KIRREL3: variants seen among roughly 807,000 people sequenced by gnomAD.
The protein encoded by KIRREL3 is kin of IRRE-like protein 3.
In KIRREL3, 36 loss-of-function variants were observed where a neutral mutation model predicts 89.7. The observed-to-expected ratio is 0.40, with a 90% CI of 0.31 to 0.53. The LOEUF (loss-of-function observed/expected upper bound fraction) is 0.53, where lower values mean the gene tolerates loss of function less well. Ranked by LOEUF, KIRREL3 falls within the 20% of genes least tolerant of loss-of-function variation. The pLI, the probability that KIRREL3 is intolerant of heterozygous loss-of-function variation, is 0.49. For missense variants in KIRREL3, 864 were observed against 1,056.6 expected, an observed-to-expected ratio of 0.82 and a Z score of 2.53; for synonymous variants, 445 against 441.4, an observed-to-expected ratio of 1.01 and a Z score of -0.10.
chr11:126,661,796 T>A (rs1945415165), intron 1 of KIRREL3, among the ~76,000 whole-genome samples: 1 of 152,140 alleles, frequency 6.6e-6, no homozygotes, highest in African/African-American at 2.4e-5. Flanking sequence ...TCTGTATGAA[T>A]AATTTTAAAA....
At chr11:126,707,002 G>A (rs1007533372) in intron 1 of KIRREL3, among the ~76,000 whole-genome samples, 20 of 151,294 alleles carry the variant, frequency 1.3e-4, no homozygotes, top group Admixed American at 1.2e-3. Flanking sequence ...TTTAAGAGAT[G>A]GAATGCAATG....
In KIRREL3 at chr11:126,656,803, G is replaced by A. The variant is rs1228854831; in HGVS notation, c.56-93891C>T. ...GTGGTGGCTCATGCCTGTGGTCCCAGCACTTTGGGAGGCCAAGGTGTGTGC... is the reference window on the plus strand; with the variant it reads ...GTGGTGGCTCATGCCTGTGGTCCCAACACTTTGGGAGGCCAAGGTGTGTGC... On this transcript the variant is annotated intron_variant, in intron 1 of 16. Transcript: ENST00000525144. This position sits in a 1 kb window ranked among gnomAD's most constrained non-coding sequence, Gnocchi z 4.0. 5.3e-5 allele frequency among the ~76,000 whole-genome samples: 8 copies of A among 152,196 alleles called. No individual in the cohort carries two copies. The highest frequency in any genetic ancestry group is 2.0e-4 in the Admixed American group (3 of 15,288).
At chr11:126,505,440 G>C (rs1957989997) in intron 4 of KIRREL3, among the ~76,000 whole-genome samples, 1 of 152,088 alleles carries the variant, frequency 6.6e-6, no homozygotes. Flanking sequence ...GCGTGGTGGT[G>C]GATGCCTGTA....
intron 1 of KIRREL3, among the ~76,000 whole-genome samples, chr11:126,863,270 TC>T (rs1376604664): frequency 3.3e-5 from 5 of 152,176 alleles, no homozygotes; most frequent in African/African-American, 1.2e-4. Flanking sequence ...AGCCTCCTCT[TC>T]CTGGCTGCTC....
intron 4 of KIRREL3, among the ~76,000 whole-genome samples, chr11:126,512,290 G>A (rs912012635): frequency 6.6e-6 from 1 of 152,236 alleles, no homozygotes; most frequent in African/African-American, 2.4e-5. Flanking sequence ...ATTTGGCTCT[G>A]AGGTGTGTGT....
chr11:126,729,136 T>C lies in KIRREL3; in HGVS notation c.56-166224A>G, dbSNP rs1051367096. Among the ~76,000 whole-genome samples, 1 of 152,188 alleles carries C rather than the reference T, an allele frequency of 6.6e-6. No individual in the cohort carries two copies. Among genetic ancestry groups the C allele is most frequent in the African/African-American group, 2.4e-5 (1 of 41,452 alleles). On this transcript the variant is annotated intron_variant, in intron 1 of 16. Transcript: ENST00000525144. The surrounding 1 kb of genome is among the most constrained non-coding windows in gnomAD (Gnocchi z 4.5). Reference sequence around the variant, plus strand: ...TCTAGCAGAATGGCTGCCTCCTTAGTCCAGACTGAGTCCTGTGGAATGTGT... The same window carrying C: ...TCTAGCAGAATGGCTGCCTCCTTAGCCCAGACTGAGTCCTGTGGAATGTGT...
At chr11:126,630,887 C>T (rs1943991154) in intron 1 of KIRREL3, among the ~76,000 whole-genome samples, 1 of 152,204 alleles carries the variant, frequency 6.6e-6, no homozygotes, top group Admixed American at 6.5e-5. Context: ...TGCCTGATCA[C>T]TCTTTCACAG....
At position 126,918,538 on chromosome 11, in the gene KIRREL3, T is replaced by C. The variant is rs1371163838; in HGVS notation, c.55+81917A>G. On this transcript the variant is annotated intron_variant, in intron 1 of 16. Coordinates refer to ENST00000525144, the MANE Select transcript of KIRREL3 (RefSeq NM_032531.4). The surrounding 1 kb of genome is among the most constrained non-coding windows in gnomAD (Gnocchi z 6.5). The stretch of plus-strand genomic sequence containing the variant: ...CTAGCTGAATTATTACGTTTTTGCA[T>C]AAACATTCTTCACCATCATCCACTC... 6.6e-6 allele frequency among the ~76,000 whole-genome samples: 1 copy of C among 152,242 alleles called. No individual in the cohort carries two copies. The highest frequency in any genetic ancestry group is 6.5e-5 in the Admixed American group (1 of 15,290).
rs926303987 is a variant in KIRREL3, at chr11:126,996,649, C to T, written c.55+3806G>A. Among the ~76,000 whole-genome samples, 6 of 152,274 alleles carry T rather than the reference C, an allele frequency of 3.9e-5. No individual in the cohort carries two copies. Among genetic ancestry groups the T allele is most frequent in the South Asian group, 2.1e-4 (1 of 4,824 alleles). On this transcript the variant is annotated intron_variant, in intron 1 of 16. Coordinates refer to ENST00000525144, the MANE Select transcript of KIRREL3 (RefSeq NM_032531.4). This position sits in a 1 kb window ranked among gnomAD's most constrained non-coding sequence, Gnocchi z 4.7. ...CCTAGGAGATTCAGATCACCATGACCCTCTGCCCTCTGACAGCTGCTGACA... is the reference window on the plus strand; with the variant it reads ...CCTAGGAGATTCAGATCACCATGACTCTCTGCCCTCTGACAGCTGCTGACA...
At position 126,997,032 on chromosome 11, in the gene KIRREL3, G is replaced by A. The variant is rs780504121; in HGVS notation, c.55+3423C>T. On this transcript the variant is annotated intron_variant, in intron 1 of 16. Transcript: ENST00000525144. The surrounding 1 kb of genome is among the most constrained non-coding windows in gnomAD (Gnocchi z 4.3). ...TCCCCTGTCTATCTCCCCTGTCTCC[G>A]AGGTGGAGATCAGAGATCTCCCTGG... is the stretch of plus-strand genomic sequence containing the variant. Among the ~76,000 whole-genome samples the A allele has an allele frequency of 2.6e-5, 4 of 152,228 alleles. No homozygotes were observed. The highest frequency in any genetic ancestry group is 6.5e-5 in the Admixed American group (1 of 15,288).
chr11:126,862,621 G>A (rs906691484), intron 1 of KIRREL3, among the ~76,000 whole-genome samples: 6 of 152,192 alleles, frequency 3.9e-5, no homozygotes, highest in Admixed American at 2.0e-4. Context: ...TGCTCTCCAC[G>A]CTGCGTCAAC....
rs1203808881 is a variant in KIRREL3 at position 126,912,330 on chromosome 11, CCTCCCTCAG to C, written c.55+88116_55+88124del. Among the ~76,000 whole-genome samples the C allele has an allele frequency of 6.6e-6, 1 of 152,126 alleles. No homozygotes were observed. The highest frequency in any genetic ancestry group is 1.5e-5 in the Non-Finnish European group (1 of 68,022). Reference sequence around the variant, plus strand: ...CTGCCCACATGTGCCCTGGGCTGGTCCTCCCTCAGCTCCCTCTCCTGTCTTCACCTCCCT... The same window carrying C: ...CTGCCCACATGTGCCCTGGGCTGGTCCTCCCTCTCCTGTCTTCACCTCCCT... On this transcript the variant is annotated intron_variant, in intron 1 of 16. Coordinates refer to ENST00000525144, the MANE Select transcript of KIRREL3 (RefSeq NM_032531.4). The surrounding 1 kb of genome is among the most constrained non-coding windows in gnomAD (Gnocchi z 4.7).
chr11:126,757,382 C>A (rs1298949947), intron 1 of KIRREL3, among the ~76,000 whole-genome samples: 1 of 152,114 alleles, frequency 6.6e-6, no homozygotes, highest in Non-Finnish European at 1.5e-5. Context: ...TACAAATTTG[C>A]TATGGCTGAC....
rs1312062053 is a variant in KIRREL3, at chr11:126,708,099, C to T, written c.56-145187G>A. Among the ~76,000 whole-genome samples the T allele has an allele frequency of 6.6e-6, 1 of 152,164 alleles. No homozygotes were observed. Among genetic ancestry groups the T allele is most frequent in the Admixed American group, 6.5e-5 (1 of 15,278 alleles). On this transcript the variant is annotated intron_variant, in intron 1 of 16. Coordinates refer to ENST00000525144, the MANE Select transcript of KIRREL3 (RefSeq NM_032531.4). The surrounding 1 kb of genome is among the most constrained non-coding windows in gnomAD (Gnocchi z 5.7). ...CCAGGGTATCCGTGCCCCGTTTGAT[C>T]AGAAAGAAACACACCCAATCTTCCT...
chr11:126,736,616 C>A lies in KIRREL3; in HGVS notation c.56-173704G>T, dbSNP rs1000599354. The stretch of plus-strand genomic sequence containing the variant: ...GAGTAGGGGTACCTGCTCCTGGCCT[C>A]CAGTGAGGAGCCCAGGGTGCTGCTA... On this transcript the variant is annotated intron_variant, in intron 1 of 16. Transcript: ENST00000525144. The surrounding 1 kb of genome is among the most constrained non-coding windows in gnomAD (Gnocchi z 5.0). 3.3e-5 allele frequency among the ~76,000 whole-genome samples: 5 copies of A among 152,092 alleles called. No homozygotes were observed. The highest frequency in any genetic ancestry group is 1.2e-4 in the African/African-American group (5 of 41,398).
Position 126,641,080 on chromosome 11 carries a change from G to A in KIRREL3, c.56-78168C>T, listed in dbSNP as rs936846566. Among the ~76,000 whole-genome samples the A allele has an allele frequency of 1.3e-5, 2 of 151,924 alleles. No homozygotes were observed. The highest frequency in any genetic ancestry group is 2.1e-4 in the South Asian group (1 of 4,798). The stretch of plus-strand genomic sequence containing the variant: ...TCTCCCACAGGCCTGCCCCTCTCAC[G>A]GTCTTCTTCATCTTTGAAGAAGATG... On this transcript the variant is annotated intron_variant, in intron 1 of 16. Transcript: ENST00000525144. This position sits in a 1 kb window ranked among gnomAD's most constrained non-coding sequence, Gnocchi z 5.0.
chr11:126,732,124 A>G (rs905740965), intron 1 of KIRREL3, among the ~76,000 whole-genome samples: 2 of 152,172 alleles, frequency 1.3e-5, no homozygotes, highest in Non-Finnish European at 2.9e-5. Context: ...GGGTCTTTAC[A>G]ATCTGCTCCA....
At chr11:126,816,339 G>T (rs1331430216) in intron 1 of KIRREL3, among the ~76,000 whole-genome samples, 2 of 152,122 alleles carry the variant, frequency 1.3e-5, no homozygotes, top group Non-Finnish European at 2.9e-5. Context: ...CTCCTTTAAG[G>T]GGAAGACTTC....
Position 126,440,566 on chromosome 11 carries a change from TCCCA to T in KIRREL3, c.1253-21_1253-18del, listed in dbSNP as rs1955525017. The T allele has an allele frequency of 6.3e-7, 1 of 1,579,526 alleles. No individual in the cohort carries two copies. The highest frequency in any genetic ancestry group is 1.3e-5 in the African/African-American group (1 of 74,232). On this transcript the variant is annotated intron_variant, in intron 10 of 16. Coordinates refer to ENST00000525144, the MANE Select transcript of KIRREL3 (RefSeq NM_032531.4). ...TGGGGGGTCCTGTTGAGAAACAGCG[TCCCA>T]TTAGGCACCCGGGAAGGGCACGTCC...
Sources: allele counts gnomAD v4.1 joint callset (sites outside exome capture counted in the v4.1 genomes callset), GRCh38; gene constraint gnomAD v4.1.1; non-coding constraint Gnocchi (gnomAD v3.1); transcripts MANE v1.5; gene names NCBI Gene and HGNC (gene_info 2026-07-23, HGNC 2026-07-21).